Variants in ZC3H12B observed in about 807,000 individuals in gnomAD.
ZC3H12B encodes zinc finger CCCH-type containing 12B.
In ZC3H12B, 7 loss-of-function variants were observed where a neutral mutation model predicts 43.9. That is an observed-to-expected ratio of 0.16 (90% CI 0.09 to 0.30). ZC3H12B has a LOEUF of 0.30. ZC3H12B is among the 10% of genes least tolerant of loss of function. The pLI is 1.00. For synonymous variants in ZC3H12B, 222 were observed against 241.7 expected (o/e 0.92, Z 0.76); for missense variants, 475 against 670.2 (o/e 0.71, Z 3.22).
In ZC3H12B at chrX:65,373,981, ATAC is replaced by A. The variant is rs1161574692; in HGVS notation, n.295+4986_295+4988del. Among the ~76,000 whole-genome samples the A allele has an allele frequency of 1.6e-3, 74 of 47,059 alleles. 1 individual carries two copies. The African/African-American group carries it at 0.025, about 16-fold the overall frequency. The allele number at this position is 47,059 out of a possible 115,157, so 40.9% of individuals were successfully genotyped here. A position where few individuals can be genotyped will look rare whatever the true frequency, so the allele number is the denominator to read the frequency against. On this transcript the variant is annotated intron_variant and non_coding_transcript_variant, in intron 2 of 5. Transcript: ENST00000617377. The stretch of plus-strand genomic sequence containing the variant: ...TATACTGTATATATAGTATATATAT[ATAC>A]TATATATATATAGTATATATATATA...
the ZC3H12B span, among the ~76,000 whole-genome samples, chrX:65,193,904 A>G: frequency 9.0e-6 from 1 of 111,647 alleles, no homozygotes; most frequent in South Asian, 3.7e-4. Context: ...CACAGGGTGT[A>G]CAAGAACCAT....
the ZC3H12B span, among the ~76,000 whole-genome samples, chrX:65,069,162 CTT>C: frequency 1.8e-5 from 2 of 108,148 alleles, no homozygotes; most frequent in South Asian, 8.1e-4. Context: ...ATAACAATAT[CTT>C]TTTTTTAGGT....
the ZC3H12B span, among the ~76,000 whole-genome samples, chrX:65,116,670 CTCG>C: frequency 1.6e-3 from 175 of 110,086 alleles, no homozygotes; most frequent in Non-Finnish European, 2.2e-3. Flanking sequence ...CACCTGTTAA[CTCG>C]TCATTTACAT....
At chrX:65,464,916 TG>T (rs2067798159) in intron 3 of ZC3H12B, among the ~76,000 whole-genome samples, 1 of 111,573 alleles carries the variant, frequency 9.0e-6, no homozygotes, top group African/African-American at 3.2e-5. Context: ...ATATTTTTCA[TG>T]TTTTTGAATT....
At chrX:65,232,223 A>C in the ZC3H12B span, among the ~76,000 whole-genome samples, 29 of 111,304 alleles carry the variant, frequency 2.6e-4, no homozygotes, top group African/African-American at 7.5e-4. Flanking sequence ...CCTGGGTGAC[A>C]GAGTAAGACT....
chrX:65,486,105 C>A, upstream of ZC3H12B, among the ~76,000 whole-genome samples: 1 of 112,531 alleles, frequency 8.9e-6, no homozygotes, highest in East Asian at 2.8e-4. Flanking sequence ...TCCCACCCTA[C>A]TGAGAGTTGA....
At chrX:65,289,840 A>G in the ZC3H12B span, among the ~76,000 whole-genome samples, 1 of 110,669 alleles carries the variant, frequency 9.0e-6, no homozygotes, top group African/African-American at 3.3e-5. Context: ...TCAACCCAAA[A>G]TGTTTAAGTT....
At chrX:65,442,519 G>A (rs1045653183) in intron 3 of ZC3H12B, among the ~76,000 whole-genome samples, 2 of 110,900 alleles carry the variant, frequency 1.8e-5, no homozygotes, top group African/African-American at 6.6e-5. Context: ...CAGCCCAGCC[G>A]TCGACCCCCA....
chrX:65,336,179 G>T, the ZC3H12B span, among the ~76,000 whole-genome samples: 1 of 112,549 alleles, frequency 8.9e-6, no homozygotes, highest in Non-Finnish European at 1.9e-5. Flanking sequence ...CTGTACAGAG[G>T]AGATAAACAG....
At chrX:65,077,401 G>C in the ZC3H12B span, among the ~76,000 whole-genome samples, 7 of 112,328 alleles carry the variant, frequency 6.2e-5, no homozygotes, top group African/African-American at 2.3e-4. Flanking sequence ...CAGCCTGCAA[G>C]CACTACAGGT....
At chrX:65,170,177 G>T in the ZC3H12B span, among the ~76,000 whole-genome samples, 1 of 111,674 alleles carries the variant, frequency 9.0e-6, no homozygotes, top group African/African-American at 3.3e-5. Context: ...GGTACCAATT[G>T]TTCCTTTCCA....
At chrX:65,201,621 T>G in the ZC3H12B span, among the ~76,000 whole-genome samples, 1 of 98,572 alleles carries the variant, frequency 1.0e-5, no homozygotes, top group Non-Finnish European at 2.0e-5. Flanking sequence ...TATTTTGAAT[T>G]CTCTGTCTGA....
chrX:65,169,106 G>A, the ZC3H12B span, among the ~76,000 whole-genome samples: 1 of 111,027 alleles, frequency 9.0e-6, no homozygotes, highest in Non-Finnish European at 1.9e-5. Context: ...TGCTTCTCTG[G>A]TTCTTTTAAT....
At chrX:65,493,319 G>A (rs949517839) in intron 1 of ZC3H12B, among the ~76,000 whole-genome samples, 2 of 110,274 alleles carry the variant, frequency 1.8e-5, no homozygotes, top group Non-Finnish European at 3.8e-5. Flanking sequence ...GAACGCAGAG[G>A]TTGCAGTGAG....
chrX:65,212,567 A>T, the ZC3H12B span, among the ~76,000 whole-genome samples: 1 of 79,196 alleles, frequency 1.3e-5, no homozygotes, highest in Admixed American at 1.9e-4. Flanking sequence ...TATATGTTAT[A>T]TATAATTATA....
rs897573680 is a variant in ZC3H12B at position 65,418,562 on chromosome X, A to T, written n.407+19858A>T. On this transcript the variant is annotated intron_variant and non_coding_transcript_variant, in intron 3 of 5. Coordinates refer to the ZC3H12B transcript ENST00000617377. Reference sequence around the variant, plus strand: ...TTCCAAAGGCAAAGTGGGTGTGGTTACCTTAATGGACAACCAAGTCAAAGC... The same window carrying T: ...TTCCAAAGGCAAAGTGGGTGTGGTTTCCTTAATGGACAACCAAGTCAAAGC... Among the ~76,000 whole-genome samples, 2 of 111,680 alleles carry T rather than the reference A, an allele frequency of 1.8e-5. 1 individual carries two copies. The highest frequency in any genetic ancestry group is 3.8e-5 in the Non-Finnish European group (2 of 53,172).
At chrX:65,275,963 G>T in the ZC3H12B span, among the ~76,000 whole-genome samples, 1 of 111,501 alleles carries the variant, frequency 9.0e-6, no homozygotes, top group Non-Finnish European at 1.9e-5. Flanking sequence ...AACAATCCAT[G>T]ATTTTAATGA....
the ZC3H12B span, among the ~76,000 whole-genome samples, chrX:65,150,175 A>G: frequency 9.1e-6 from 1 of 110,001 alleles, no homozygotes; most frequent in Admixed American, 9.8e-5. Flanking sequence ...ACTATATATT[A>G]TTATTACTTA....
chrX:65,376,059 G>A (rs1379801594), intron 2 of ZC3H12B, among the ~76,000 whole-genome samples: 1 of 111,937 alleles, frequency 8.9e-6, no homozygotes, highest in African/African-American at 3.2e-5. Flanking sequence ...CCAAAATGGA[G>A]CCCACTGCCC....
Sources: gnomAD v4.1 joint callset for allele counts (sites outside exome capture counted in the v4.1 genomes callset) on GRCh38, gnomAD v4.1.1 for gene constraint, MANE v1.5 for transcripts, NCBI Gene and HGNC (gene_info 2026-07-23, HGNC 2026-07-21) for gene names.